Variants in GYPC observed in about 807,000 individuals in gnomAD.
The protein encoded by GYPC is glycophorin C (Gerbich blood group), also known as glycophorin-C.
Under a neutral mutation model 12.6 loss-of-function variants are expected in GYPC, and 14 were observed. The ratio of observed to expected loss-of-function variants is 1.11; its 90% CI spans 0.74 to 1.74. The LOEUF is 1.74. Among genes scored for constraint, GYPC ranks in the 40% most tolerant of loss-of-function variants. GYPC has a pLI of 0.00. For missense variants in GYPC, 225 were observed against 172.1 expected, an observed-to-expected ratio of 1.31 and a Z score of -1.72; for synonymous variants, 78 against 62.1, an observed-to-expected ratio of 1.26 and a Z score of -1.20.
intron 1 of GYPC, among the ~76,000 whole-genome samples, chr2:126,660,704 C>T (rs923901205): frequency 6.6e-6 from 1 of 152,154 alleles, no homozygotes; most frequent in African/African-American, 2.4e-5. Flanking sequence ...AGGACTGCCA[C>T]CATTCCAATA....
chr2:126,656,501 G>A (rs1296980680), intron 1 of GYPC, among the ~76,000 whole-genome samples, 189 bp downstream of exon 1: 1 of 152,208 alleles, frequency 6.6e-6, no homozygotes, highest in East Asian at 1.9e-4. Flanking sequence ...GGGCTGCGCG[G>A]AGTCCCTGTC....
chr2:126,672,959 C>T (rs939128647), intron 1 of GYPC, among the ~76,000 whole-genome samples: 3 of 152,108 alleles, frequency 2.0e-5, no homozygotes, highest in African/African-American at 4.8e-5. Flanking sequence ...ATTCCACCAC[C>T]TCAGTCTTAT....
At chr2:126,693,310 G>A (rs893244769) in intron 2 of GYPC, among the ~76,000 whole-genome samples, 3 of 152,166 alleles carry the variant, frequency 2.0e-5, no homozygotes, top group African/African-American at 7.2e-5. Flanking sequence ...GCGAATGTCA[G>A]ATCCCCTTCT....
chr2:126,667,687 G>A (rs1682724286), intron 1 of GYPC, among the ~76,000 whole-genome samples: 1 of 151,952 alleles, frequency 6.6e-6, no homozygotes, highest in Non-Finnish European at 1.5e-5. Flanking sequence ...ACAGGCATGA[G>A]CCACCACGCC....
chr2:126,688,939 T>C (rs1683369180), intron 1 of GYPC, among the ~76,000 whole-genome samples: 1 of 152,316 alleles, frequency 6.6e-6, no homozygotes, highest in African/African-American at 2.4e-5. Context: ...GAATACGGGA[T>C]TTCCTATGTT....
intron 1 of GYPC, chr2:126,686,187 G>C: frequency 1.0e-6 from 1 of 985,342 alleles, no homozygotes. Flanking sequence ...AGAGGAGTGT[G>C]ACTTCCAGCC....
rs149469016 is a variant in GYPC, at chr2:126,673,797, T to G, written c.50-16458T>G. On this transcript the variant is annotated intron_variant, in intron 1 of 3. Transcript: ENST00000259254. ...AGATGCACATGTGTACACACATACA[T>G]GCACACACACTCACACACACACATG... is the stretch of plus-strand genomic sequence containing the variant. Among the ~76,000 whole-genome samples, 47 of 152,260 alleles carry G rather than the reference T, an allele frequency of 3.1e-4. No homozygotes were observed. In the East Asian group the frequency reaches 6.9e-3, roughly 23 times the overall value.
intron 2 of GYPC, among the ~76,000 whole-genome samples, chr2:126,692,919 C>T (rs1280771473): frequency 2.0e-5 from 3 of 152,182 alleles, no homozygotes; most frequent in East Asian, 1.9e-4. Flanking sequence ...GGGCACATCA[C>T]GTCTCTGAAC....
chr2:126,672,526 A>T (rs554785584), intron 1 of GYPC, among the ~76,000 whole-genome samples: 1 of 152,224 alleles, frequency 6.6e-6, no homozygotes, highest in East Asian at 1.9e-4. Context: ...AATGAGTGTG[A>T]GTGTGGGTCC....
chr2:126,691,630 C>G (rs1212794299), intron 2 of GYPC, among the ~76,000 whole-genome samples: 1 of 152,150 alleles, frequency 6.6e-6, no homozygotes, highest in Non-Finnish European at 1.5e-5. Context: ...ATACAGCAAC[C>G]AGCTCTGCCC....
chr2:126,674,663 T>C (rs28387143), intron 1 of GYPC, among the ~76,000 whole-genome samples: 161 of 152,252 alleles, frequency 1.1e-3, no homozygotes, highest in African/African-American at 3.7e-3. Context: ...TTTTTAAGTG[T>C]TTTGTTCATT....
chr2:126,680,916 C>T (rs915536914), intron 1 of GYPC, among the ~76,000 whole-genome samples: 6 of 152,186 alleles, frequency 3.9e-5, no homozygotes, highest in African/African-American at 1.4e-4. Flanking sequence ...CACCGCCAAG[C>T]AGGTGCAGGC....
At chr2:126,663,970 C>G (rs1682612872) in intron 1 of GYPC, among the ~76,000 whole-genome samples, 1 of 67,912 alleles carries the variant, frequency 1.5e-5, no homozygotes, top group Non-Finnish European at 3.4e-5. Context: ...CTCTCTCTCT[C>G]TCTCTCTCTC....
chr2:126,676,034 T>A (rs1682986983), intron 1 of GYPC, among the ~76,000 whole-genome samples: 1 of 152,240 alleles, frequency 6.6e-6, no homozygotes, highest in Admixed American at 6.5e-5. Context: ...CAACCTGGCT[T>A]CTTCCAGCTG....
chr2:126,675,267 G>A (rs1682965663), intron 1 of GYPC, among the ~76,000 whole-genome samples: 1 of 152,148 alleles, frequency 6.6e-6, no homozygotes, highest in African/African-American at 2.4e-5. Context: ...AATCTATTTT[G>A]TATGTAAATG....
Position 126,695,927 on chromosome 2 carries a change from C to T in GYPC, c.191-19C>T, listed in dbSNP as rs377649195. On this transcript the variant is annotated intron_variant, in intron 3 of 3. Coordinates refer to ENST00000259254, the MANE Select transcript of GYPC (RefSeq NM_002101.5). ...AGCCCCTGCCTCAGACTGACCCTTG[C>T]ACCTCTTCCCACCTGCAGGTGTGAT... 4 of 1,610,094 alleles carry T rather than the reference C, an allele frequency of 2.5e-6. No individual in the cohort carries two copies. The highest frequency in any genetic ancestry group is 3.3e-5 in the Admixed American group (2 of 60,012).
chr2:126,673,916 A>C (rs1450041074), intron 1 of GYPC, among the ~76,000 whole-genome samples: 1 of 152,084 alleles, frequency 6.6e-6, no homozygotes, highest in African/African-American at 2.4e-5. Flanking sequence ...GTCTCTGCTG[A>C]GCTTGGACCC....
At chr2:126,666,708 TAC>T (rs67904410) in intron 1 of GYPC, among the ~76,000 whole-genome samples, 5,884 of 118,278 alleles carry the variant, frequency 0.05, 193 homozygotes, top group African/African-American at 0.083. Context: ...CCTCCCTCCC[TAC>T]ACACACACAC....
chr2:126,695,036 G>A (rs752719363), intron 3 of GYPC, among the ~76,000 whole-genome samples: 1 of 152,114 alleles, frequency 6.6e-6, no homozygotes, highest in Non-Finnish European at 1.5e-5. Context: ...TCAGTCCTTT[G>A]TGTGGCCAAG....
Sources: gnomAD v4.1 joint callset for allele counts (sites outside exome capture counted in the v4.1 genomes callset) on GRCh38, gnomAD v4.1.1 for gene constraint, MANE v1.5 for transcripts, NCBI Gene and HGNC (gene_info 2026-07-23, HGNC 2026-07-21) for gene names.